The following ZNRF2 variants were observed in gnomAD, a reference collection of about 807,000 sequenced individuals.
ZNRF2 encodes the protein zinc and ring finger 2, also known as E3 ubiquitin-protein ligase ZNRF2.
Under a neutral mutation model 20.4 loss-of-function variants are expected in ZNRF2, and 16 were observed. The ratio of observed to expected loss-of-function variants is 0.79; its 90% CI spans 0.53 to 1.19. The LOEUF is 1.19. ZNRF2 is among the 50% of genes most tolerant of loss of function. The pLI is 0.00. For synonymous variants in ZNRF2, 178 were observed against 144.9 expected (o/e 1.23, Z -1.64); for missense variants, 363 against 332.4 (o/e 1.09, Z -0.72).
At chr7:30,352,366 T>C (rs1268101484) in intron 2 of ZNRF2, among the ~76,000 whole-genome samples, 1 of 152,060 alleles carries the variant, frequency 6.6e-6, no homozygotes, top group African/African-American at 2.4e-5. Flanking sequence ...AATGCACCCA[T>C]TGAAGTGATT....
chr7:30,302,543 T>G (rs963345435), intron 1 of ZNRF2, among the ~76,000 whole-genome samples: 12 of 148,366 alleles, frequency 8.1e-5, no homozygotes, highest in South Asian at 2.1e-4. Context: ...AGTACTATGT[T>G]TTTTTTTTTT....
At chr7:30,309,415 G>A (rs1434850593) in intron 1 of ZNRF2, among the ~76,000 whole-genome samples, 1 of 152,134 alleles carries the variant, frequency 6.6e-6, no homozygotes, top group African/African-American at 2.4e-5. Flanking sequence ...TAATGATGAT[G>A]TCCTAGTTAA....
At position 30,366,382 on chromosome 7, in the gene ZNRF2, C is replaced by T. The variant is rs1361676525; in HGVS notation, c.*370C>T. 6.6e-6 allele frequency: 1 copy of T among 152,626 alleles called. No homozygotes were observed. Among genetic ancestry groups the T allele is most frequent in the African/African-American group, 2.4e-5 (1 of 41,460 alleles). The allele number at this position is 152,626 out of a possible 1,614,324, so 9.5% of individuals were successfully genotyped here. Reference sequence around the variant, plus strand: ...CTTTTTATTAAGTTCTCCAGAGCTGCACAACTAGTTATGTTTTGATTTGTT... The same window carrying T: ...CTTTTTATTAAGTTCTCCAGAGCTGTACAACTAGTTATGTTTTGATTTGTT... On this transcript the variant is annotated 3_prime_UTR_variant, in exon 5 of 5. Coordinates refer to ENST00000323037, the MANE Select transcript of ZNRF2 (RefSeq NM_147128.4).
rs201691924 is a variant in ZNRF2 at position 30,362,460 on chromosome 7, A to AT, written c.*22+12dup. The AT allele has an allele frequency of 4.7e-5, 73 of 1,567,642 alleles. No homozygotes were observed. Among genetic ancestry groups the AT allele is most frequent in the East Asian group, 1.4e-4 (6 of 44,412 alleles). On this transcript the variant is annotated splice_donor_region_variant and intron_variant, in intron 4 of 4. Transcript: ENST00000323037. ...GCGTCAGCTTCCTGTTTTATAGGTA[A>AT]TTTTTTTTGTAATTACTTTTTAAAG...
At chr7:30,356,737 G>A (rs369438973) in intron 3 of ZNRF2, among the ~76,000 whole-genome samples, 13 of 118,900 alleles carry the variant, frequency 1.1e-4, no homozygotes, top group African/African-American at 1.0e-4. Context: ...ACGGAGTCTC[G>A]CTCTGTTGCC....
chr7:30,335,865 T>C (rs886476410), intron 2 of ZNRF2, among the ~76,000 whole-genome samples: 2 of 152,124 alleles, frequency 1.3e-5, no homozygotes, highest in Non-Finnish European at 2.9e-5. Context: ...TTACTTTCCA[T>C]GTTCAGGGTG....
At chr7:30,339,614 T>C (rs1422461749) in intron 2 of ZNRF2, among the ~76,000 whole-genome samples, 1 of 152,182 alleles carries the variant, frequency 6.6e-6, no homozygotes, top group Non-Finnish European at 1.5e-5. Flanking sequence ...TTCTGTTCCA[T>C]TGCTCTATAT....
rs765470590 is a variant in ZNRF2 at position 30,346,068 on chromosome 7, T to G, written c.566-9660T>G. ...ATGGGTAGTATAGTTTCTGAGCTAT[T>G]AGACGCCCAAAATATTTTTTCATTT... On this transcript the variant is annotated intron_variant, in intron 2 of 4. Transcript: ENST00000323037. 7.9e-5 allele frequency among the ~76,000 whole-genome samples: 12 copies of G among 151,596 alleles called. 1 individual carries two copies. Among genetic ancestry groups the G allele is most frequent in the Admixed American group, 2.6e-4 (4 of 15,210 alleles).
chr7:30,314,744 T>C (rs539785364), intron 1 of ZNRF2, among the ~76,000 whole-genome samples: 1 of 152,040 alleles, frequency 6.6e-6, no homozygotes, highest in African/African-American at 2.4e-5. Flanking sequence ...AAATCTCAAG[T>C]ACTTTATCGC....
intron 4 of ZNRF2, among the ~76,000 whole-genome samples, chr7:30,363,395 G>A (rs1187916968): frequency 6.6e-6 from 1 of 152,142 alleles, no homozygotes; most frequent in Non-Finnish European, 1.5e-5. Flanking sequence ...AAGAAATTAA[G>A]TATAGAGAGG....
chr7:30,350,302 AAG>A (rs1444139140), intron 2 of ZNRF2, among the ~76,000 whole-genome samples: 1 of 152,092 alleles, frequency 6.6e-6, no homozygotes, highest in African/African-American at 2.4e-5. Flanking sequence ...TCATCATCAA[AAG>A]AGTAACAAAT....
chr7:30,309,243 C>T (rs894726444), intron 1 of ZNRF2, among the ~76,000 whole-genome samples: 7 of 152,106 alleles, frequency 4.6e-5, no homozygotes, highest in African/African-American at 1.7e-4. Flanking sequence ...TCTCTGAACT[C>T]TTCTAATGTA....
chr7:30,308,269 A>G (rs1398636435), intron 1 of ZNRF2, among the ~76,000 whole-genome samples: 1 of 151,990 alleles, frequency 6.6e-6, no homozygotes, highest in Non-Finnish European at 1.5e-5. Context: ...AAAGTTTATC[A>G]TTTTTCATTC....
intron 1 of ZNRF2, among the ~76,000 whole-genome samples, chr7:30,287,931 TC>T (rs1334056754): frequency 2.6e-5 from 4 of 152,180 alleles, no homozygotes; most frequent in African/African-American, 9.7e-5. Flanking sequence ...TGGAAAGACA[TC>T]AGAGAAATTA....
intron 3 of ZNRF2, among the ~76,000 whole-genome samples, chr7:30,360,686 C>G (rs578164695): frequency 7.1e-4 from 108 of 152,248 alleles, no homozygotes; most frequent in African/African-American, 2.5e-3. Flanking sequence ...CAGAGCAAGA[C>G]TCCGTCTCAA....
rs1798751711 is a variant in ZNRF2, at chr7:30,285,240, C to T, written c.-118C>T. 1 of 766,950 alleles carries T rather than the reference C, an allele frequency of 1.3e-6. No homozygotes were observed. The highest frequency in any genetic ancestry group is 1.7e-6 in the Non-Finnish European group (1 of 592,360). 47.5% of individuals were successfully genotyped at this position (766,950 alleles called of 1,614,324 possible). A position where few individuals can be genotyped will look rare whatever the true frequency, so the allele number is the denominator to read the frequency against. ...ACGCCGGGCGGCGGCCCTGGACGTG[C>T]GGGGGCCTCTCTGGGCCGGCCGCGG... On this transcript the variant is annotated 5_prime_UTR_variant, in exon 1 of 5. Transcript: ENST00000323037.
rs1161510140 is a variant in ZNRF2 at position 30,295,014 on chromosome 7, G to GGAGAGAGAGAGAGA, written c.469+9212_469+9225dup. Among the ~76,000 whole-genome samples, 102 of 25,168 alleles carry GGAGAGAGAGAGAGA rather than the reference G, an allele frequency of 4.1e-3. 7 individuals carry two copies. Among genetic ancestry groups the GGAGAGAGAGAGAGA allele is most frequent in the Non-Finnish European group, 5.7e-3 (65 of 11,438 alleles). 16.5% of individuals were successfully genotyped at this position (25,168 alleles called of 152,430 possible). On this transcript the variant is annotated intron_variant, in intron 1 of 4. Coordinates refer to ENST00000323037, the MANE Select transcript of ZNRF2 (RefSeq NM_147128.4). ...GGGACAGAGAGAGAGAGGGAGGGAA[G>GGAGAGAGAGAGAGA]GAGAGAGAGAGAGAGAGAGAGAGAG...
chr7:30,317,556 T>C (rs376775636), intron 1 of ZNRF2, among the ~76,000 whole-genome samples: 1 of 152,282 alleles, frequency 6.6e-6, no homozygotes, highest in East Asian at 1.9e-4. Flanking sequence ...AGGAAAATAA[T>C]TAAATGGCAA....
chr7:30,294,590 C>T (rs1798977148), intron 1 of ZNRF2, among the ~76,000 whole-genome samples: 1 of 152,034 alleles, frequency 6.6e-6, no homozygotes, highest in Non-Finnish European at 1.5e-5. Context: ...CGAGACCAGC[C>T]TGGACAACAT....
Sources: allele counts gnomAD v4.1 joint callset (sites outside exome capture counted in the v4.1 genomes callset), GRCh38; gene constraint gnomAD v4.1.1; transcripts MANE v1.5; gene names NCBI Gene and HGNC (gene_info 2026-07-23, HGNC 2026-07-21).